ADAMTSL1: variants seen among roughly 807,000 people sequenced by gnomAD.
ADAMTSL1 encodes ADAMTS like 1.
In ADAMTSL1, 126 loss-of-function variants were observed where a neutral mutation model predicts 201.8. The observed-to-expected ratio is 0.62, with a 90% confidence interval of 0.54 to 0.72. The LOEUF (loss-of-function observed/expected upper bound fraction) is 0.72, where lower values mean the gene tolerates loss of function less well. Ranked by LOEUF, ADAMTSL1 falls within the 30% of genes least tolerant of loss-of-function variation. The pLI, the probability that ADAMTSL1 is intolerant of heterozygous loss-of-function variation, is 0.00. For missense variants in ADAMTSL1, 2,679 were observed against 2,277.8 expected, an observed-to-expected ratio of 1.18 and a Z score of -3.59; for synonymous variants, 1,121 against 903.4, an observed-to-expected ratio of 1.24 and a Z score of -4.32.
At chr9:18,450,068 A>G (rs1487237003) in intron 2 of ADAMTSL1, among the ~76,000 whole-genome samples, 1 of 152,216 alleles carries the variant, frequency 6.6e-6, no homozygotes, top group Non-Finnish European at 1.5e-5. Context: ...AAATATATGT[A>G]CAGGAATGTT....
intron 2 of ADAMTSL1, among the ~76,000 whole-genome samples, chr9:18,432,124 T>C (rs1819520319): frequency 6.6e-6 from 1 of 152,214 alleles, no homozygotes; most frequent in Non-Finnish European, 1.5e-5. Context: ...TTGTTCTGGT[T>C]GAAAAGAATT....
chr9:18,014,148 C>T (rs2131563975), intron 1 of ADAMTSL1, among the ~76,000 whole-genome samples: 1 of 152,152 alleles, frequency 6.6e-6, no homozygotes, highest in Admixed American at 6.5e-5. Context: ...TGCCTCTCCT[C>T]AACCCCAAAA....
chr9:18,012,296 G>T (rs1418521308), intron 1 of ADAMTSL1, among the ~76,000 whole-genome samples: 1 of 151,996 alleles, frequency 6.6e-6, no homozygotes, highest in Non-Finnish European at 1.5e-5. Flanking sequence ...AAAAGTTGCT[G>T]CTTTCCAGGG....
chr9:18,745,668 T>G (rs1819101873), intron 15 of ADAMTSL1, among the ~76,000 whole-genome samples: 1 of 152,220 alleles, frequency 6.6e-6, no homozygotes. Flanking sequence ...ATATGTATAG[T>G]TGTATATACT....
At chr9:18,669,427 A>G (rs1829674701) in intron 9 of ADAMTSL1, among the ~76,000 whole-genome samples, 1 of 152,232 alleles carries the variant, frequency 6.6e-6, no homozygotes, top group Admixed American at 6.5e-5. Flanking sequence ...TATTTAGTTT[A>G]TTACAGAAAA....
intron 12 of ADAMTSL1, among the ~76,000 whole-genome samples, chr9:18,684,063 AT>A (rs1830679620): frequency 1.3e-5 from 2 of 151,992 alleles, no homozygotes; most frequent in Non-Finnish European, 2.9e-5. Flanking sequence ...CTCCTCCACA[AT>A]TTTTTTCCCA....
chr9:18,456,757 T>C (rs1041953642), intron 2 of ADAMTSL1, among the ~76,000 whole-genome samples: 1 of 152,248 alleles, frequency 6.6e-6, no homozygotes, highest in African/African-American at 2.4e-5. Flanking sequence ...TCCTGTTCAC[T>C]GTGATCTTGG....
chr9:18,670,443 C>A (rs1375536856), intron 9 of ADAMTSL1, among the ~76,000 whole-genome samples: 2 of 152,190 alleles, frequency 1.3e-5, no homozygotes, highest in Non-Finnish European at 2.9e-5. Context: ...CAGCCAATCA[C>A]CCCCGCTTGC....
chr9:18,307,519 A>G (rs1833955137), intron 2 of ADAMTSL1, among the ~76,000 whole-genome samples: 1 of 152,112 alleles, frequency 6.6e-6, no homozygotes, highest in South Asian at 2.1e-4. Flanking sequence ...CAAAGGGAAA[A>G]CCAAAAAAAA....
chr9:18,307,516 A>G (rs1833955029), intron 2 of ADAMTSL1, among the ~76,000 whole-genome samples: 1 of 152,158 alleles, frequency 6.6e-6, no homozygotes, highest in Admixed American at 6.5e-5. Context: ...AAACAAAGGG[A>G]AAACCAAAAA....
intron 2 of ADAMTSL1, among the ~76,000 whole-genome samples, chr9:18,193,506 C>G (rs79781911): frequency 0.03 from 4,538 of 152,196 alleles, 98 homozygotes; most frequent in Non-Finnish European, 0.047. Flanking sequence ...CTCTCTTCCT[C>G]TGGTTCTCTC....
At chr9:18,206,676 C>G (rs1383279846) in intron 2 of ADAMTSL1, among the ~76,000 whole-genome samples, 1 of 152,074 alleles carries the variant, frequency 6.6e-6, no homozygotes, top group African/African-American at 2.4e-5. Flanking sequence ...TCTTTTAGGA[C>G]TTAAAAAAAT....
chr9:18,367,433 T>C (rs1043418036), intron 2 of ADAMTSL1, among the ~76,000 whole-genome samples: 5 of 152,064 alleles, frequency 3.3e-5, no homozygotes, highest in Non-Finnish European at 7.4e-5. Flanking sequence ...AATTATGGCA[T>C]GAAAATATCT....
At chr9:17,966,346 A>G (rs1817977306) in intron 1 of ADAMTSL1, among the ~76,000 whole-genome samples, 1 of 152,180 alleles carries the variant, frequency 6.6e-6, no homozygotes, top group East Asian at 1.9e-4. Context: ...TACAAAAACC[A>G]CAGAAATCAA....
chr9:18,670,550 T>C (rs1037139728), intron 9 of ADAMTSL1, among the ~76,000 whole-genome samples: 5 of 152,232 alleles, frequency 3.3e-5, no homozygotes, highest in Admixed American at 6.5e-5. Context: ...TGGGACTGAA[T>C]ATGTGCACAA....
chr9:18,274,199 G>A (rs566763644), intron 2 of ADAMTSL1, among the ~76,000 whole-genome samples: 2 of 152,310 alleles, frequency 1.3e-5, no homozygotes, highest in South Asian at 2.1e-4. Context: ...AAGAAAGCTC[G>A]AATCTTTATC....
At chr9:17,950,967 C>A (rs1445672553) in intron 1 of ADAMTSL1, among the ~76,000 whole-genome samples, 1 of 152,124 alleles carries the variant, frequency 6.6e-6, no homozygotes, top group African/African-American at 2.4e-5. Context: ...GTTATTGTTT[C>A]CTAGAGAGAG....
At chr9:18,857,877 A>G (rs1165625985) in intron 23 of ADAMTSL1, among the ~76,000 whole-genome samples, 1 of 152,176 alleles carries the variant, frequency 6.6e-6, no homozygotes, top group Admixed American at 6.5e-5. Flanking sequence ...ATATCTTTTG[A>G]CACGTTCATA....
intron 1 of ADAMTSL1, among the ~76,000 whole-genome samples, chr9:17,993,944 CTA>C (rs1819268311): frequency 1.3e-5 from 2 of 151,886 alleles, no homozygotes; most frequent in African/African-American, 4.8e-5. Flanking sequence ...TTATCTTTGT[CTA>C]TGTTTTGAGA....
Sources: allele counts gnomAD v4.1 joint callset (sites outside exome capture counted in the v4.1 genomes callset), GRCh38; gene constraint gnomAD v4.1.1; transcripts MANE v1.5; gene names NCBI Gene and HGNC (gene_info 2026-07-23, HGNC 2026-07-21).